Variants in SLC37A3 observed in about 807,000 individuals in gnomAD.
SLC37A3 encodes sugar phosphate exchanger 3.
In SLC37A3, 51 loss-of-function variants were observed where a neutral mutation model predicts 67.1. The observed-to-expected ratio is 0.76, with a 90% CI of 0.61 to 0.96. SLC37A3 has a LOEUF of 0.96. SLC37A3 is among the 40% of genes least tolerant of loss of function. The pLI is 0.00. For synonymous variants in SLC37A3, 214 were observed against 231.4 expected (o/e 0.92, Z 0.68); for missense variants, 508 against 603.0 (o/e 0.84, Z 1.65).
intron 1 of SLC37A3, among the ~76,000 whole-genome samples, chr7:140,391,574 AT>A (rs1798727108): frequency 6.6e-6 from 1 of 152,176 alleles, no homozygotes; most frequent in South Asian, 2.1e-4. Flanking sequence ...AAACAATAAG[AT>A]AAAACACAAC....
At chr7:140,383,837 T>C (rs1298496515) in intron 1 of SLC37A3, among the ~76,000 whole-genome samples, 2 of 152,152 alleles carry the variant, frequency 1.3e-5, no homozygotes, top group African/African-American at 4.8e-5. Context: ...CCGCCATGCC[T>C]GGCTAATGTT....
chr7:140,371,395 A>G (rs976986044), intron 3 of SLC37A3, among the ~76,000 whole-genome samples: 1 of 152,070 alleles, frequency 6.6e-6, no homozygotes, highest in African/African-American at 2.4e-5. Context: ...GATGGTCTCA[A>G]TCTCCTGACC....
At chr7:140,380,897 C>CTTCTTTT (rs57748652) in intron 2 of SLC37A3, among the ~76,000 whole-genome samples, 9 of 125,836 alleles carry the variant, frequency 7.2e-5, no homozygotes, top group East Asian at 2.4e-4. Context: ...TCTTCTTCTT[C>CTTCTTTT]TTTTTTTTTT....
chr7:140,348,479 G>GTTTGGT, intron 10 of SLC37A3, 147 bp downstream of exon 10: 1 of 257,270 alleles, frequency 3.9e-6, no homozygotes, highest in Non-Finnish European at 6.0e-6. Flanking sequence ...TTTTTTTTTT[G>GTTTGGT]AGTTTGGCTG....
chr7:140,361,264 C>T (rs1023837720), intron 5 of SLC37A3, among the ~76,000 whole-genome samples: 3 of 151,304 alleles, frequency 2.0e-5, no homozygotes, highest in Non-Finnish European at 4.4e-5. Context: ...GGGCGGATCA[C>T]CTGAGGTCGG....
chr7:140,363,709 A>T (rs146469555), intron 5 of SLC37A3, among the ~76,000 whole-genome samples: 15,164 of 61,282 alleles, frequency 0.25, 1,065 homozygotes, highest in South Asian at 0.35. Flanking sequence ...AATAAATAAA[A>T]AAATAAAAAA....
chr7:140,340,018 T>A (rs111252976), intron 13 of SLC37A3, among the ~76,000 whole-genome samples: 7,684 of 150,548 alleles, frequency 0.051, 210 homozygotes, highest in Non-Finnish European at 0.071. Context: ...GATTACAGGC[T>A]TAAGCCACCG....
At chr7:140,371,516 G>A (rs543076643) in intron 3 of SLC37A3, among the ~76,000 whole-genome samples, 91 of 151,996 alleles carry the variant, frequency 6.0e-4, no homozygotes, top group Non-Finnish European at 1.1e-3. Flanking sequence ...GTATGATTCC[G>A]CAGGATGTTT....
At chr7:140,384,901 C>T (rs1798393671) in intron 1 of SLC37A3, among the ~76,000 whole-genome samples, 2 of 152,134 alleles carry the variant, frequency 1.3e-5, no homozygotes, top group Non-Finnish European at 2.9e-5. Flanking sequence ...GGAACTGTTA[C>T]ACTACTTATT....
chr7:140,378,128 G>A (rs1231588714), intron 3 of SLC37A3, among the ~76,000 whole-genome samples: 1 of 152,180 alleles, frequency 6.6e-6, no homozygotes, highest in Non-Finnish European at 1.5e-5. Context: ...GAAATCTAGT[G>A]CCTAAATGAA....
At chr7:140,356,852 C>T (rs1797049541) in intron 6 of SLC37A3, among the ~76,000 whole-genome samples, 1 of 152,148 alleles carries the variant, frequency 6.6e-6, no homozygotes, top group African/African-American at 2.4e-5. Context: ...GCAATAAGAA[C>T]CCTTATGCTC....
chr7:140,381,921 G>A (rs940417273), intron 2 of SLC37A3, among the ~76,000 whole-genome samples: 1 of 150,762 alleles, frequency 6.6e-6, no homozygotes, highest in African/African-American at 2.4e-5. Flanking sequence ...GGCTGAGGCA[G>A]GAGAATAGCT....
chr7:140,355,896 A>T (rs1797006915), intron 6 of SLC37A3, 132 bp from the exon 7 acceptor site: 2 of 718,724 alleles, frequency 2.8e-6, no homozygotes, highest in East Asian at 2.7e-5. Flanking sequence ...AAAAGTTTTT[A>T]AAAATACACT....
At chr7:140,372,347 G>A (rs557592977) in intron 3 of SLC37A3, among the ~76,000 whole-genome samples, 1 of 152,300 alleles carries the variant, frequency 6.6e-6, no homozygotes, top group East Asian at 1.9e-4. Flanking sequence ...GAGGCCTCCA[G>A]AGCCTTGCTC....
intron 3 of SLC37A3, among the ~76,000 whole-genome samples, chr7:140,378,852 G>C (rs2129770271): frequency 6.6e-6 from 1 of 151,692 alleles, no homozygotes; most frequent in Non-Finnish European, 1.5e-5. Context: ...AATTAGACTA[G>C]CTTGGCCAAC....
At chr7:140,351,678 T>G (rs961067842) in intron 8 of SLC37A3, 1 of 574,734 alleles carries the variant, frequency 1.7e-6, no homozygotes, top group African/African-American at 1.9e-5. Context: ...TGGTTTCATT[T>G]GTATGTAATC....
At chr7:140,381,105 C>T (rs1585355088) in intron 2 of SLC37A3, among the ~76,000 whole-genome samples, 1 of 151,138 alleles carries the variant, frequency 6.6e-6, no homozygotes, top group Non-Finnish European at 1.5e-5. Flanking sequence ...ACCATGTTGG[C>T]CAGGTTGGTC....
At chr7:140,375,698 T>C (rs899171179) in intron 3 of SLC37A3, among the ~76,000 whole-genome samples, 1 of 151,944 alleles carries the variant, frequency 6.6e-6, no homozygotes, top group African/African-American at 2.4e-5. Flanking sequence ...AAAAATAAAA[T>C]CCCCAAATCA....
intron 1 of SLC37A3, among the ~76,000 whole-genome samples, chr7:140,387,642 A>AAT (rs564503445): frequency 2.5e-5 from 3 of 119,396 alleles, no homozygotes; most frequent in African/African-American, 9.6e-5. Flanking sequence ...TATAAATATA[A>AAT]ATATATATAT....
Sources: gnomAD v4.1 joint callset for allele counts (sites outside exome capture counted in the v4.1 genomes callset) on GRCh38, gnomAD v4.1.1 for gene constraint, MANE v1.5 for transcripts, NCBI Gene and HGNC (gene_info 2026-07-23, HGNC 2026-07-21) for gene names.